Variants in LEKR1 observed in about 807,000 individuals in gnomAD.
LEKR1 encodes the protein leucine, glutamate and lysine rich 1.
Under a neutral mutation model 72.4 loss-of-function variants are expected in LEKR1, and 59 were observed. That is an observed-to-expected ratio of 0.82 (90% CI 0.66 to 1.01). The LOEUF (loss-of-function observed/expected upper bound fraction) is 1.01. Among genes scored for constraint, LEKR1 ranks in the 50% least tolerant of loss-of-function variants. The pLI, the probability that LEKR1 is intolerant of heterozygous loss-of-function variation, is 0.00. For missense variants in LEKR1, 728 were observed against 759.2 expected (o/e 0.96, Z 0.48); for synonymous variants, 257 against 263.2 (o/e 0.98, Z 0.23).
chr3:157,024,544 T>G (rs1303629430), intron 10 of LEKR1, among the ~76,000 whole-genome samples: 1 of 152,190 alleles, frequency 6.6e-6, no homozygotes, highest in African/African-American at 2.4e-5. Flanking sequence ...TCTACTAATT[T>G]TTCAGGTCTT....
At position 157,011,495 on chromosome 3, in the gene LEKR1, T is replaced by G; in HGVS notation, c.1192T>G (p.Trp398Gly). Residue 398 changes from tryptophan (W) to glycine (G), a missense_variant, in exon 10 of 13, where the codon TGG becomes GGG. Trp to Gly is a radical substitution (Grantham distance 184). Transcript: ENST00000356539. ...LRQKLLSDDN[W>G]KEKIEAELAK... Reference sequence around the variant, plus strand: ...ACAGAAGCTGCTGAGTGATGATAACTGGAAGGAGAAGGTAATGGTAGTGTG... The same window carrying G: ...ACAGAAGCTGCTGAGTGATGATAACGGGAAGGAGAAGGTAATGGTAGTGTG... 6.2e-7 allele frequency: 1 copy of G among 1,610,928 alleles called. No individual in the cohort carries two copies. The highest frequency in any genetic ancestry group is 8.5e-7 in the Non-Finnish European group (1 of 1,177,308).
chr3:156,965,262 A>G (rs920964266), intron 6 of LEKR1, among the ~76,000 whole-genome samples: 2 of 152,070 alleles, frequency 1.3e-5, no homozygotes, highest in Non-Finnish European at 2.9e-5. Context: ...TTCCTTTCTT[A>G]TCCTTTCATA....
chr3:156,872,475 T>C (rs1039268573), intron 3 of LEKR1, among the ~76,000 whole-genome samples: 2 of 151,870 alleles, frequency 1.3e-5, no homozygotes, highest in African/African-American at 4.8e-5. Flanking sequence ...TTTCATTCCT[T>C]CTACTTATTT....
intron 7 of LEKR1, among the ~76,000 whole-genome samples, chr3:156,991,084 T>C (rs1308951135): frequency 1.3e-5 from 2 of 152,174 alleles, no homozygotes; most frequent in Non-Finnish European, 2.9e-5. Context: ...ATAATGGCTT[T>C]AAAATAAAAG....
chr3:156,889,629 TA>T (rs552824679), intron 3 of LEKR1, among the ~76,000 whole-genome samples: 8 of 152,022 alleles, frequency 5.3e-5, no homozygotes, highest in African/African-American at 1.7e-4. Context: ...AGAAGAGACT[TA>T]AAAAAAACAT....
intron 3 of LEKR1, among the ~76,000 whole-genome samples, chr3:156,865,808 T>C (rs1219118710): frequency 1.3e-5 from 2 of 152,098 alleles, no homozygotes; most frequent in East Asian, 3.9e-4. Context: ...ACCTTACACG[T>C]TTTTTCCTGT....
chr3:156,997,572 C>A (rs1731679788), intron 9 of LEKR1, among the ~76,000 whole-genome samples: 1 of 152,224 alleles, frequency 6.6e-6, no homozygotes, highest in South Asian at 2.1e-4. Context: ...AACCAGGCTA[C>A]CAGATGTGCT....
chr3:157,007,599 G>T (rs1467562906), intron 9 of LEKR1, among the ~76,000 whole-genome samples: 1 of 152,170 alleles, frequency 6.6e-6, no homozygotes, highest in Non-Finnish European at 1.5e-5. Context: ...CAATTGATTT[G>T]TTCTGCCATT....
chr3:156,882,937 G>A (rs951275504), intron 3 of LEKR1, among the ~76,000 whole-genome samples: 5 of 151,894 alleles, frequency 3.3e-5, no homozygotes, highest in Admixed American at 6.6e-5. Context: ...TCACTCATAG[G>A]TGGGAATTGA....
intron 2 of LEKR1, among the ~76,000 whole-genome samples, chr3:156,849,861 G>A (rs1715123431): frequency 2.0e-5 from 3 of 152,278 alleles, no homozygotes; most frequent in South Asian, 4.1e-4. Context: ...AGGACTTCAT[G>A]TCTAAAACAC....
At chr3:156,923,003 T>TG (rs1324033848) in intron 4 of LEKR1, among the ~76,000 whole-genome samples, 1 of 152,248 alleles carries the variant, frequency 6.6e-6, no homozygotes, top group Admixed American at 6.5e-5. Context: ...AAATTTCTCT[T>TG]GCAGCTCTCT....
intron 3 of LEKR1, among the ~76,000 whole-genome samples, chr3:156,881,519 G>T (rs532224080): frequency 6.6e-6 from 1 of 151,576 alleles, no homozygotes; most frequent in East Asian, 1.9e-4. Flanking sequence ...ACAAATGGAA[G>T]AACATTCCAT....
At chr3:156,845,478 T>G (rs1714471287) in intron 2 of LEKR1, among the ~76,000 whole-genome samples, 1 of 152,052 alleles carries the variant, frequency 6.6e-6, no homozygotes, top group South Asian at 2.1e-4. Flanking sequence ...TCTACTTTTA[T>G]ATTTTATATT....
chr3:156,888,421 T>A (rs1720325411), intron 3 of LEKR1: 1 of 691,416 alleles, frequency 1.4e-6, no homozygotes, highest in South Asian at 1.5e-5. Context: ...TTTCCTTAGC[T>A]TTTCTTAATA....
intron 9 of LEKR1, among the ~76,000 whole-genome samples, chr3:156,997,450 A>G (rs368613846): frequency 6.6e-6 from 1 of 152,248 alleles, no homozygotes; most frequent in African/African-American, 2.4e-5. Context: ...CACTTTTAAT[A>G]TAGAGATGCT....
At chr3:156,896,306 C>T (rs1721177374) in intron 3 of LEKR1, among the ~76,000 whole-genome samples, 1 of 152,058 alleles carries the variant, frequency 6.6e-6, no homozygotes, top group African/African-American at 2.4e-5. Flanking sequence ...CACATGTTTA[C>T]CTATGTAACA....
intron 7 of LEKR1, among the ~76,000 whole-genome samples, chr3:156,989,759 T>A (rs897832371): frequency 3.9e-5 from 6 of 152,080 alleles, no homozygotes; most frequent in African/African-American, 1.4e-4. Flanking sequence ...TTTAACTCAT[T>A]TGCTTTCTCT....
intron 3 of LEKR1, among the ~76,000 whole-genome samples, chr3:156,900,659 A>G (rs1304792389): frequency 6.6e-6 from 1 of 152,240 alleles, no homozygotes; most frequent in Non-Finnish European, 1.5e-5. Context: ...CACTGATAGT[A>G]GAAAAACTGG....
chr3:156,874,672 T>C (rs1303221273), intron 3 of LEKR1, among the ~76,000 whole-genome samples: 2 of 152,152 alleles, frequency 1.3e-5, no homozygotes, highest in Non-Finnish European at 2.9e-5. Context: ...TGTGTAGTCT[T>C]TATCCCTCAA....
Sources: allele counts gnomAD v4.1 joint callset (sites outside exome capture counted in the v4.1 genomes callset), GRCh38; gene constraint gnomAD v4.1.1; transcripts MANE v1.5; gene names NCBI Gene and HGNC (gene_info 2026-07-23, HGNC 2026-07-21).